Variants in CSF2RA observed in about 807,000 individuals in gnomAD.
The protein encoded by CSF2RA is granulocyte-macrophage colony-stimulating factor receptor subunit alpha.
Under a neutral mutation model 51.6 loss-of-function variants are expected in CSF2RA, and 42 were observed. The ratio of observed to expected loss-of-function variants is 0.81; its 90% CI spans 0.64 to 1.05. The LOEUF (loss-of-function observed/expected upper bound fraction) is 1.05. CSF2RA is among the 50% of genes least tolerant of loss of function. The pLI, the probability that CSF2RA is intolerant of heterozygous loss-of-function variation, is 0.00. For missense variants in CSF2RA, 530 were observed against 501.1 expected (o/e 1.06, Z -0.55); for synonymous variants, 222 against 193.0 (o/e 1.15, Z -1.24).
Position 1,277,593 on chromosome X carries a change from CAAAAAAAAA to C in CSF2RA, c.-27+2791_-27+2799del, listed in dbSNP as rs749833246. ...CCTGGGCGATAGAGTAAGTCCATCT[CAAAAAAAAA>C]AAAAAAAAAAAAAAATTCGGGGTGA... On this transcript the variant is annotated intron_variant, in intron 2 of 12. Transcript: ENST00000381529. 5.7e-5 allele frequency among the ~76,000 whole-genome samples: 4 copies of C among 70,436 alleles called. No individual in the cohort carries two copies. The South Asian group carries it at 1.7e-3, about 30-fold the overall frequency. 46.2% of individuals were successfully genotyped at this position (70,436 alleles called of 152,430 possible). A position where few individuals can be genotyped will look rare whatever the true frequency, so the allele number is the denominator to read the frequency against.
At chrX:1,324,413 G>GGAAGGAAGGAAAAAGGAAAAGAAAGGAAA in the CSF2RA span, among the ~76,000 whole-genome samples, 1 of 136,910 alleles carries the variant, frequency 7.3e-6, no homozygotes, top group Non-Finnish European at 1.5e-5. Context: ...GGAAAAGAAA[G>GGAAGGAAGGAAAAAGGAAAAGAAAGGAAA]GAAAGAAAAA....
intron 3 of CSF2RA, 63 bp from the exon 4 acceptor site, chrX:1,285,715 A>AG: frequency 3.1e-6 from 4 of 1,292,052 alleles, no homozygotes. Context: ...AAAAAAAAAA[A>AG]AAAAAAAAAA....
chrX:1,311,502 C>T (rs1460614859), downstream of CSF2RA, among the ~76,000 whole-genome samples: 1 of 151,408 alleles, frequency 6.6e-6, no homozygotes, highest in Non-Finnish European at 1.5e-5. Flanking sequence ...GGCACAATCT[C>T]TGCTCACTGC....
chrX:1,323,086 G>C, the CSF2RA span, among the ~76,000 whole-genome samples: 3 of 151,022 alleles, frequency 2.0e-5, no homozygotes, highest in Non-Finnish European at 4.4e-5. Flanking sequence ...CCGAGATCGC[G>C]CCACCGCACT....
chrX:1,322,439 G>GTTTTTTTTTTTTTTTTTTT, the CSF2RA span, among the ~76,000 whole-genome samples: 2 of 120,692 alleles, frequency 1.7e-5, no homozygotes, highest in Non-Finnish European at 1.6e-5. Context: ...GTGTGTGTTT[G>GTTTTTTTTTTTTTTTTTTT]TTTTTTTTTT....
intron 9 of CSF2RA, among the ~76,000 whole-genome samples, chrX:1,295,831 G>GTTTAACC (rs2091889837): frequency 7.4e-6 from 1 of 135,214 alleles, no homozygotes; most frequent in African/African-American, 2.9e-5. Flanking sequence ...CGTCCACCTA[G>GTTTAACC]CTTAATCCTA....
At chrX:1,316,391 C>T in the CSF2RA span, among the ~76,000 whole-genome samples, 1 of 152,060 alleles carries the variant, frequency 6.6e-6, no homozygotes, top group East Asian at 1.9e-4. Context: ...CTCACTTGTT[C>T]CAAGACCCTC....
chrX:1,275,041 C>A (rs1278339987), intron 2 of CSF2RA, among the ~76,000 whole-genome samples: 1 of 147,850 alleles, frequency 6.8e-6, no homozygotes, highest in Non-Finnish European at 1.5e-5. Context: ...CGTGACAAGG[C>A]ACATCCTCCT....
the CSF2RA span, among the ~76,000 whole-genome samples, chrX:1,323,404 G>C: frequency 6.6e-6 from 1 of 152,006 alleles, no homozygotes; most frequent in African/African-American, 2.4e-5. Context: ...ATAGTTACTA[G>C]TCGGGACTGG....
intron 12 of CSF2RA, among the ~76,000 whole-genome samples, chrX:1,309,143 G>A (rs1338228136): frequency 6.6e-6 from 1 of 152,106 alleles, no homozygotes; most frequent in African/African-American, 2.4e-5. Flanking sequence ...GTCTAAAGGG[G>A]GAAGAGTGGG....
At chrX:1,286,059 G>A (rs2090611317) in intron 4 of CSF2RA, 139 bp downstream of exon 4, 3 of 886,824 alleles carry the variant, frequency 3.4e-6, no homozygotes, top group Non-Finnish European at 3.7e-6. Flanking sequence ...GATCACCTGA[G>A]GTCGGGAGTT....
rs190386611 is a variant in CSF2RA, at chrX:1,286,231, C to G, written c.219+311C>G. On this transcript the variant is annotated intron_variant, in intron 4 of 12. Coordinates refer to ENST00000381529, the MANE Select transcript of CSF2RA (RefSeq NM_172245.4). Reference sequence around the variant, plus strand: ...GAAGTTGCAGTGAGTCGAGCTCGTGCCATTGCACTCCAGCCTGGGTGACAG... The same window carrying G: ...GAAGTTGCAGTGAGTCGAGCTCGTGGCATTGCACTCCAGCCTGGGTGACAG... Among the ~76,000 whole-genome samples, 684 of 152,032 alleles carry G rather than the reference C, an allele frequency of 4.5e-3. 4 individuals carry two copies. The highest frequency in any genetic ancestry group is 0.016 in the African/African-American group (659 of 41,478).
At chrX:1,314,552 GCACC>G (rs1569514943), downstream of CSF2RA, among the ~76,000 whole-genome samples, 17 of 97,734 alleles carry the variant, frequency 1.7e-4, 2 homozygotes, top group African/African-American at 3.7e-4. Context: ...CAATCCCACT[GCACC>G]TGCCCAATCC....
chrX:1,310,168 C>G (rs1485032243), downstream of CSF2RA: 3 of 208,350 alleles, frequency 1.4e-5, no homozygotes, highest in Non-Finnish European at 2.8e-5. Flanking sequence ...GCCTGGGTAA[C>G]AAACTAAGAC....
chrX:1,314,243 C>A (rs1186372360), downstream of CSF2RA, among the ~76,000 whole-genome samples: 817 of 35,212 alleles, frequency 0.023, 14 homozygotes, highest in African/African-American at 0.064. Context: ...CTGCCCAACC[C>A]CACTGCACCT....
chrX:1,319,708 T>C, the CSF2RA span, among the ~76,000 whole-genome samples: 1 of 141,090 alleles, frequency 7.1e-6, no homozygotes, highest in South Asian at 2.4e-4. Context: ...TCTTCACGCC[T>C]TTGCTGTTTT....
chrX:1,289,794 G>GTGT (rs2091176830), intron 6 of CSF2RA, among the ~76,000 whole-genome samples: 1 of 114,064 alleles, frequency 8.8e-6, no homozygotes, highest in South Asian at 3.0e-4. Context: ...ATTTTGTTTT[G>GTGT]TTTTGTGTTT....
downstream of CSF2RA, among the ~76,000 whole-genome samples, chrX:1,310,653 G>C (rs2148732269): frequency 7.1e-6 from 1 of 141,188 alleles, no homozygotes; most frequent in East Asian, 2.1e-4. Flanking sequence ...GGATGACATA[G>C]CGAGACTCCA....
intron 2 of CSF2RA, among the ~76,000 whole-genome samples, chrX:1,280,673 C>G (rs1445401508): frequency 1.3e-5 from 2 of 149,512 alleles, no homozygotes; most frequent in Non-Finnish European, 3.0e-5. Context: ...CCTCTTCCTC[C>G]TCCTCCTTCT....
Sources: allele counts gnomAD v4.1 joint callset (sites outside exome capture counted in the v4.1 genomes callset), GRCh38; gene constraint gnomAD v4.1.1; transcripts MANE v1.5; gene names NCBI Gene and HGNC (gene_info 2026-07-23, HGNC 2026-07-21).